Variants in CTC1 observed in about 807,000 individuals in gnomAD.
CTC1 encodes CST complex subunit CTC1.
CTC1 carries 91 observed loss-of-function variants against 136.3 expected under a neutral mutation model. The observed-to-expected ratio is 0.67, with a 90% CI of 0.56 to 0.79. The LOEUF is 0.79. Ranked by LOEUF, CTC1 falls within the 30% of genes least tolerant of loss-of-function variation. The pLI is 0.00. For synonymous variants in CTC1, 606 were observed against 613.8 expected, an observed-to-expected ratio of 0.99 and a Z score of 0.19; for missense variants, 1,432 against 1,498.1, an observed-to-expected ratio of 0.96 and a Z score of 0.73.
chr17:8,226,167 C>T lies in CTC1; in HGVS notation c.*2013G>A, dbSNP rs886053590. 6.6e-6 allele frequency: 1 copy of T among 152,134 alleles called. No homozygotes were observed. The highest frequency in any genetic ancestry group is 1.5e-5 in the Non-Finnish European group (1 of 68,034). 9.4% of individuals were successfully genotyped at this position (152,134 alleles called of 1,614,324 possible). On this transcript the variant is annotated 3_prime_UTR_variant, in exon 23 of 23. Coordinates refer to ENST00000651323, the MANE Select transcript of CTC1 (RefSeq NM_025099.6). ...TGCAGAACAGAAACTCTTACGCGTT[C>T]TGATATAAAAACAATACATGAAAGG... is the stretch of plus-strand genomic sequence containing the variant.
chr17:8,230,239 T>C, intron 17 of CTC1, 55 bp downstream of exon 17: 1 of 1,547,382 alleles, frequency 6.5e-7, no homozygotes, highest in Non-Finnish European at 8.8e-7. Flanking sequence ...GGGGTGCACA[T>C]TCCAGAGAGC....
chr17:8,231,300 G>A lies in CTC1; in HGVS notation c.2645C>T (p.Ser882Leu). ...CTTGTCACTGAGCAGGTCGGTCAGT[G>A]AGGATTCAGGCAATGACTTGTTTGC... ...LDANKSLPESSLTDLLSDNFT... is the reference protein window; with the variant it reads ...LDANKSLPESLLTDLLSDNFT... The change falls in exon 15 of 23, where the codon TCA becomes TTA. Residue 882 changes from serine (S) to leucine (L), a missense_variant. Ser to Leu is a moderately radical substitution (Grantham distance 145). Coordinates refer to ENST00000651323, the MANE Select transcript of CTC1 (RefSeq NM_025099.6). The A allele has an allele frequency of 1.3e-6, 2 of 1,588,308 alleles. No homozygotes were observed. Among genetic ancestry groups the A allele is most frequent in the Non-Finnish European group, 1.7e-6 (2 of 1,162,060 alleles).
intron 2 of CTC1, among the ~76,000 whole-genome samples, chr17:8,241,168 A>T (rs1284059932): frequency 6.6e-6 from 1 of 152,028 alleles, no homozygotes; most frequent in Non-Finnish European, 1.5e-5. Flanking sequence ...GGCACCTGTA[A>T]TCCCAGCTTC....
At chr17:8,232,636 C>A in intron 11 of CTC1, 161 bp from the exon 12 acceptor site, 1 of 674,656 alleles carries the variant, frequency 1.5e-6, no homozygotes, top group Non-Finnish European at 2.6e-6. Flanking sequence ...GGGGTGACAC[C>A]TTCTCTCCAA....
chr17:8,238,626 G>A lies in CTC1; in HGVS notation c.201C>T (p.Phe67=), dbSNP rs552540195. 9 of 1,592,970 alleles carry A rather than the reference G, an allele frequency of 5.6e-6. No homozygotes were observed. Among genetic ancestry groups the A allele is most frequent in the Middle Eastern group, 1.7e-4 (1 of 5,926 alleles). The change falls in exon 3 of 23, where the codon TTC becomes TTT. Residue 67 remains phenylalanine, a synonymous_variant. Transcript: ENST00000651323. ...QGSTLPLSYS[F]VSVQDLKTHQ... is the part of the protein sequence containing the mutation. ...GAGTCTTGAGGTCCTGTACTGAGAC[G>A]AAGCTGTAGAGTGAAGGGAACAGAG... is the stretch of plus-strand genomic sequence containing the variant.
intron 1 of CTC1, chr17:8,247,746 C>G (rs1988876427): frequency 6.0e-6 from 3 of 496,898 alleles, no homozygotes; most frequent in Non-Finnish European, 1.1e-5. Flanking sequence ...CATTAACCTG[C>G]TCCTGGTTTC....
In CTC1 at chr17:8,232,394, C is replaced by G; in HGVS notation, c.2027G>C (p.Ser676Thr). The G allele has an allele frequency of 6.2e-7, 1 of 1,614,174 alleles. No individual in the cohort carries two copies. Among genetic ancestry groups the G allele is most frequent in the Non-Finnish European group, 8.5e-7 (1 of 1,180,002 alleles). Reference sequence around the variant, plus strand: ...CTGCTTCTGGATGAAGCCTGGCATGCTCAGCTCCTTCCAGGAAGGGAAGCT... The same window carrying G: ...CTGCTTCTGGATGAAGCCTGGCATGGTCAGCTCCTTCCAGGAAGGGAAGCT... ...RSSFPSWKEL[S>T]MPGFIQKQQA... The change falls in exon 12 of 23, where the codon AGC becomes ACC. Residue 676 changes from serine (S) to threonine (T), a missense_variant. Coordinates refer to ENST00000651323, the MANE Select transcript of CTC1 (RefSeq NM_025099.6).
chr17:8,237,542 G>A, intron 4 of CTC1, 23 bp from the exon 5 acceptor site: 1 of 1,612,120 alleles, frequency 6.2e-7, no homozygotes, highest in Non-Finnish European at 8.5e-7. Context: ...AAAAAGCCCT[G>A]TAATCCCAGC....
At position 8,233,238 on chromosome 17, in the gene CTC1, C is replaced by T. The variant is rs529432449; in HGVS notation, c.1819-206G>A. The T allele has an allele frequency of 2.6e-3, 1,478 of 562,498 alleles. 10 individuals carry two copies. The highest frequency in any genetic ancestry group is 0.016 in the South Asian group (748 of 46,940). The allele number at this position is 562,498 out of a possible 1,614,324, so 34.8% of individuals were successfully genotyped here. A position where few individuals can be genotyped will look rare whatever the true frequency, so the allele number is the denominator to read the frequency against. ...ACACATTTAGTAGGAGAAGAGAAAG[C>T]GCACAAATAGAGGTTACAGGTAAGA... On this transcript the variant is annotated intron_variant, in intron 10 of 22. Coordinates refer to ENST00000651323, the MANE Select transcript of CTC1 (RefSeq NM_025099.6).
intron 4 of CTC1, 62 bp downstream of exon 4, chr17:8,237,969 A>T (rs1482614531): frequency 1.5e-6 from 2 of 1,358,096 alleles, no homozygotes; most frequent in African/African-American, 2.9e-5. Context: ...CTCTCCCTCC[A>T]CTGACCCAGC....
chr17:8,231,614 TC>T, intron 14 of CTC1, 111 bp downstream of exon 14: 1 of 1,255,912 alleles, frequency 8.0e-7, no homozygotes, highest in Non-Finnish European at 1.2e-6. Context: ...TGTATCTAAA[TC>T]CAGCCTTCTT....
rs888888132 is a variant in CTC1 at position 8,243,294 on chromosome 17, C to T, written c.34-146G>A. 44 of 674,556 alleles carry T rather than the reference C, an allele frequency of 6.5e-5. 1 individual carries two copies. Among genetic ancestry groups the T allele is most frequent in the East Asian group, 6.3e-4 (21 of 33,222 alleles). 41.8% of individuals were successfully genotyped at this position (674,556 alleles called of 1,614,324 possible). Reference sequence around the variant, plus strand: ...CAACACTTTGGGAGGCTGAGGCAGGCGGATCACTTGAGGTTGGGAGTTCGA... The same window carrying T: ...CAACACTTTGGGAGGCTGAGGCAGGTGGATCACTTGAGGTTGGGAGTTCGA... On this transcript the variant is annotated intron_variant, in intron 1 of 22. Coordinates refer to ENST00000651323, the MANE Select transcript of CTC1 (RefSeq NM_025099.6).
intron 18 of CTC1, 136 bp from the exon 19 acceptor site, chr17:8,229,582 AG>A: frequency 2.7e-6 from 2 of 731,776 alleles, no homozygotes; most frequent in South Asian, 1.8e-5. Flanking sequence ...CGCTCCTAGA[AG>A]CCCCATTTTA....
At position 8,235,882 on chromosome 17, in the gene CTC1, G is replaced by A. The variant is rs1170351542; in HGVS notation, c.1155C>T (p.Tyr385=). ...LDGQLGLCLA[Y]QQFRGLRRVM... ...CCCGCCTAAGGCCACGGAACTGCTG[G>A]TAGGCAAGGCAGAGCCCCAGCTGCC... Residue 385 remains tyrosine (Y), a synonymous_variant, in exon 7 of 23, where the codon TAC becomes TAT. Coordinates refer to ENST00000651323, the MANE Select transcript of CTC1 (RefSeq NM_025099.6). The A allele has an allele frequency of 2.5e-6, 4 of 1,613,836 alleles. No individual in the cohort carries two copies. The highest frequency in any genetic ancestry group is 1.7e-5 in the Admixed American group (1 of 59,986).
chr17:8,247,430 C>T lies in CTC1; in HGVS notation c.33+574G>A, dbSNP rs149635116. 2.1e-4 allele frequency among the ~76,000 whole-genome samples: 32 copies of T among 151,132 alleles called. 1 individual carries two copies. Among genetic ancestry groups the T allele is most frequent in the African/African-American group, 7.5e-4 (31 of 41,158 alleles). ...GTTCAAGCGATTCTCCTGCCTCAAC[C>T]TTCTGAGTAGCTGGAATTACAGGTG... On this transcript the variant is annotated intron_variant, in intron 1 of 22. Transcript: ENST00000651323.
In CTC1 at chr17:8,225,761, A is replaced by G. The variant is rs948903878; in HGVS notation, c.*2419T>C. The G allele has an allele frequency of 6.6e-6, 1 of 152,154 alleles. No homozygotes were observed. The highest frequency in any genetic ancestry group is 2.4e-5 in the African/African-American group (1 of 41,430). 9.4% of individuals were successfully genotyped at this position (152,154 alleles called of 1,614,324 possible). A position where few individuals can be genotyped will look rare whatever the true frequency, so the allele number is the denominator to read the frequency against. ...TAACTGCAAGTGAAAGACCAGTTAG[A>G]GGACCGCATCTGGAAGCTGTGCCAA... is the stretch of plus-strand genomic sequence containing the variant. On this transcript the variant is annotated 3_prime_UTR_variant, in exon 23 of 23. Transcript: ENST00000651323.
At chr17:8,237,035 C>A (rs1382826481) in intron 5 of CTC1, among the ~76,000 whole-genome samples, 2 of 97,588 alleles carry the variant, frequency 2.0e-5, no homozygotes, top group African/African-American at 3.2e-5. Context: ...CAGTAAGTAC[C>A]AAGTTTTTTT....
chr17:8,238,326 T>C, intron 3 of CTC1, 66 bp downstream of exon 3: 2 of 1,565,892 alleles, frequency 1.3e-6, no homozygotes, highest in South Asian at 1.2e-5. Flanking sequence ...AGAGACTTAA[T>C]TGCCTTGATC....
chr17:8,242,960 C>T (rs184289258), intron 2 of CTC1, 25 bp downstream of exon 2: 1 of 1,590,940 alleles, frequency 6.3e-7, no homozygotes, highest in Admixed American at 1.8e-5. Context: ...CCTGCCCAGC[C>T]CCCGCAACCG....
Sources: allele counts gnomAD v4.1 joint callset (sites outside exome capture counted in the v4.1 genomes callset), GRCh38; gene constraint gnomAD v4.1.1; transcripts MANE v1.5; gene names NCBI Gene and HGNC (gene_info 2026-07-23, HGNC 2026-07-21).